Variants in MNAT1 observed in about 807,000 individuals in gnomAD.
MNAT1 encodes the protein MNAT1 component of CDK activating kinase, also known as CDK-activating kinase assembly factor MAT1.
In MNAT1, 43 loss-of-function variants were observed where a neutral mutation model predicts 42.0. That is an observed-to-expected ratio of 1.02 (90% CI 0.80 to 1.32). MNAT1 has a LOEUF of 1.32. Among genes scored for constraint, MNAT1 ranks in the 40% most tolerant of loss-of-function variants. MNAT1 has a pLI of 0.00. For synonymous variants in MNAT1, 118 were observed against 120.0 expected, an observed-to-expected ratio of 0.98 and a Z score of 0.11; for missense variants, 306 against 350.4, an observed-to-expected ratio of 0.87 and a Z score of 1.01.
chr14:60,835,462 C>T (rs953670210), intron 6 of MNAT1, among the ~76,000 whole-genome samples: 17 of 152,252 alleles, frequency 1.1e-4, no homozygotes, highest in Non-Finnish European at 1.3e-4. Flanking sequence ...TCAGCATTTG[C>T]TTCTCTGTAA....
chr14:60,943,042 G>C (rs2036205714), intron 7 of MNAT1, among the ~76,000 whole-genome samples: 1 of 101,658 alleles, frequency 9.8e-6, no homozygotes, highest in Non-Finnish European at 1.9e-5. Flanking sequence ...GTGTGTGTGT[G>C]TGTGTGTGCG....
At chr14:60,948,869 G>A (rs963920738) in intron 7 of MNAT1, among the ~76,000 whole-genome samples, 47 of 151,450 alleles carry the variant, frequency 3.1e-4, no homozygotes, top group African/African-American at 1.1e-3. Context: ...AGCAAGATAA[G>A]ATGATTTCAA....
In MNAT1 at chr14:60,740,226, A is replaced by G. The variant is rs1566746582; in HGVS notation, c.89+5275A>G. Among the ~76,000 whole-genome samples the G allele has an allele frequency of 1.3e-5, 2 of 152,334 alleles. No homozygotes were observed. Among genetic ancestry groups the G allele is most frequent in the African/African-American group, 2.4e-5 (1 of 41,582 alleles). ...TCTGGAAATTTTATGTGCTAAATCTACTTTTTTCATCACGCACGAGACGCA... is the reference window on the plus strand; with the variant it reads ...TCTGGAAATTTTATGTGCTAAATCTGCTTTTTTCATCACGCACGAGACGCA... On this transcript the variant is annotated intron_variant, in intron 1 of 7. Coordinates refer to ENST00000261245, the MANE Select transcript of MNAT1 (RefSeq NM_002431.4). This position sits in a 1 kb window ranked among gnomAD's most constrained non-coding sequence, Gnocchi z 4.1.
chr14:60,933,768 C>G (rs1469603777), intron 7 of MNAT1, among the ~76,000 whole-genome samples: 1 of 151,978 alleles, frequency 6.6e-6, no homozygotes, highest in Non-Finnish European at 1.5e-5. Context: ...TATGGTATTC[C>G]TTTGAGAGGC....
intron 6 of MNAT1, among the ~76,000 whole-genome samples, chr14:60,871,153 A>G (rs1474870411): frequency 9.2e-5 from 14 of 152,244 alleles, no homozygotes; most frequent in Admixed American, 9.2e-4. Flanking sequence ...TTCATACTAT[A>G]TGAATGTACC....
intron 7 of MNAT1, among the ~76,000 whole-genome samples, chr14:60,942,689 A>T (rs1310826624): frequency 6.6e-6 from 1 of 152,036 alleles, no homozygotes; most frequent in African/African-American, 2.4e-5. Flanking sequence ...TTTTATGAAT[A>T]AAAAAATAGT....
At chr14:60,900,086 C>G (rs964122634) in intron 7 of MNAT1, among the ~76,000 whole-genome samples, 6 of 151,064 alleles carry the variant, frequency 4.0e-5, no homozygotes, top group Middle Eastern at 3.4e-3. Context: ...CTCTCTCTTA[C>G]CTTGGACTTC....
chr14:60,905,329 T>TA (rs2035172377), intron 7 of MNAT1, among the ~76,000 whole-genome samples: 2 of 152,106 alleles, frequency 1.3e-5, no homozygotes, highest in African/African-American at 4.8e-5. Context: ...AAACCAACAA[T>TA]AACAGTACAT....
chr14:60,746,268 C>T (rs553722720), intron 1 of MNAT1, among the ~76,000 whole-genome samples: 20 of 152,220 alleles, frequency 1.3e-4, no homozygotes, highest in South Asian at 6.2e-4. Flanking sequence ...GTAATCCCAG[C>T]GCTTTGGGAG....
chr14:60,801,204 GA>G (rs1451062781), intron 3 of MNAT1, among the ~76,000 whole-genome samples: 1 of 151,890 alleles, frequency 6.6e-6, no homozygotes, highest in Non-Finnish European at 1.5e-5. Context: ...CACCGAGATA[GA>G]AAAATGTTGA....
intron 6 of MNAT1, among the ~76,000 whole-genome samples, chr14:60,866,209 G>T (rs138948300): frequency 4.6e-4 from 70 of 151,898 alleles, no homozygotes; most frequent in African/African-American, 1.6e-3. Context: ...GGAGAAACTA[G>T]CTGAGTTAGA....
intron 7 of MNAT1, among the ~76,000 whole-genome samples, chr14:60,886,604 T>C (rs151104725): frequency 1.5e-4 from 23 of 152,214 alleles, no homozygotes; most frequent in Admixed American, 1.4e-3. Context: ...TAAAGAAATA[T>C]AGCTGATTTT....
intron 7 of MNAT1, among the ~76,000 whole-genome samples, chr14:60,913,340 C>G (rs1252480238): frequency 1.3e-5 from 2 of 152,334 alleles, no homozygotes; most frequent in Middle Eastern, 3.4e-3. Flanking sequence ...CAAAGTCATG[C>G]TCCATCCAGC....
chr14:60,826,254 T>C (rs2033049691), intron 6 of MNAT1, among the ~76,000 whole-genome samples: 1 of 151,974 alleles, frequency 6.6e-6, no homozygotes, highest in Admixed American at 6.6e-5. Context: ...AATTTGTGAC[T>C]TCAGAATTTA....
intron 1 of MNAT1, among the ~76,000 whole-genome samples, chr14:60,788,717 T>G (rs918895421): frequency 6.6e-6 from 1 of 152,224 alleles, no homozygotes; most frequent in Non-Finnish European, 1.5e-5. Context: ...CATCTTTCCT[T>G]GAATTTCATG....
intron 6 of MNAT1, among the ~76,000 whole-genome samples, chr14:60,844,092 A>G (rs565308621): frequency 2.6e-5 from 4 of 152,078 alleles, no homozygotes; most frequent in African/African-American, 7.2e-5. Flanking sequence ...TTGACTGCAT[A>G]TAAGTTTAGG....
intron 2 of MNAT1, 126 bp downstream of exon 2, chr14:60,796,495 T>G (rs2032023424): frequency 2.4e-6 from 2 of 847,784 alleles, no homozygotes; most frequent in African/African-American, 1.7e-5. Flanking sequence ...TTCATTTAAG[T>G]TCTTAGAGAA....
At chr14:60,815,295 A>G (rs1004542765) in intron 5 of MNAT1, among the ~76,000 whole-genome samples, 21 of 151,624 alleles carry the variant, frequency 1.4e-4, no homozygotes, top group African/African-American at 4.8e-4. Flanking sequence ...GGCTCACTGC[A>G]ACCTCTGCCT....
At chr14:60,805,579 C>T (rs962138682) in intron 3 of MNAT1, among the ~76,000 whole-genome samples, 2 of 152,200 alleles carry the variant, frequency 1.3e-5, no homozygotes, top group Non-Finnish European at 2.9e-5. Flanking sequence ...CTCCCTACCC[C>T]AACCCCTGAC....
Sources: gnomAD v4.1 joint callset for allele counts (sites outside exome capture counted in the v4.1 genomes callset) on GRCh38, gnomAD v4.1.1 for gene constraint, Gnocchi (gnomAD v3.1) non-coding constraint, MANE v1.5 for transcripts, NCBI Gene and HGNC (gene_info 2026-07-23, HGNC 2026-07-21) for gene names.